HYCC2: variants seen among roughly 807,000 people sequenced by gnomAD.
HYCC2 encodes the protein hyccin PI4KA lipid kinase complex subunit 2.
At chr2:201,023,609 T>C in the HYCC2 span, 2 of 163,552 alleles carry the variant, frequency 1.2e-5, no homozygotes, top group Non-Finnish European at 2.6e-5. Flanking sequence ...AAAAACTATT[T>C]GATTTTTAAT....
the HYCC2 span, among the ~76,000 whole-genome samples, chr2:201,040,485 A>AC: frequency 2.4e-4 from 36 of 149,280 alleles, no homozygotes; most frequent in Non-Finnish European, 4.8e-4. Context: ...GAATCTCATA[A>AC]TTTTTTTTTG....
At chr2:200,988,246 G>A in the HYCC2 span, 4 of 1,591,544 alleles carry the variant, frequency 2.5e-6, no homozygotes, top group South Asian at 2.3e-5. Flanking sequence ...GTGGACTATG[G>A]GGATTTTGTA....
the HYCC2 span, among the ~76,000 whole-genome samples, chr2:201,033,194 TGTGAGA>T: frequency 6.4e-5 from 8 of 125,704 alleles, no homozygotes; most frequent in African/African-American, 9.8e-5. Context: ...TGTGTGTGTG[TGTGAGA>T]GAGAGAGAGA....
chr2:200,993,229 A>T, the HYCC2 span, among the ~76,000 whole-genome samples: 7 of 152,358 alleles, frequency 4.6e-5, no homozygotes, highest in African/African-American at 1.7e-4. Context: ...CACTCATTCT[A>T]GTGGACTGCC....
chr2:201,043,542 T>G, the HYCC2 span, among the ~76,000 whole-genome samples: 1 of 149,194 alleles, frequency 6.7e-6, no homozygotes, highest in East Asian at 2.0e-4. Context: ...AGAGTCTCAC[T>G]CTGTTGCCTA....
chr2:201,035,843 C>G, the HYCC2 span, among the ~76,000 whole-genome samples: 6 of 152,282 alleles, frequency 3.9e-5, no homozygotes, highest in Middle Eastern at 3.4e-3. Context: ...AGCTGCAGGT[C>G]TGTTGGAGTT....
chr2:201,070,214 A>T, the HYCC2 span, among the ~76,000 whole-genome samples: 18 of 152,228 alleles, frequency 1.2e-4, no homozygotes, highest in East Asian at 7.7e-4. Context: ...GAATTATAAA[A>T]TTTTTTTAAA....
the HYCC2 span, among the ~76,000 whole-genome samples, chr2:200,988,049 T>C: frequency 6.6e-6 from 1 of 152,218 alleles, no homozygotes; most frequent in Non-Finnish European, 1.5e-5. Context: ...CATCTTATTT[T>C]GTTTTAATCT....
the HYCC2 span, chr2:201,067,230 T>C: frequency 5.1e-6 from 1 of 195,456 alleles, no homozygotes; most frequent in East Asian, 1.2e-4. Flanking sequence ...TATATATTAG[T>C]ATCTTCTCAC....
chr2:201,039,414 C>T, the HYCC2 span, among the ~76,000 whole-genome samples: 1 of 152,130 alleles, frequency 6.6e-6, no homozygotes, highest in Non-Finnish European at 1.5e-5. Context: ...TATAATTTTA[C>T]TTGGAAAACT....
chr2:201,013,290 C>CA, the HYCC2 span, among the ~76,000 whole-genome samples: 1 of 151,828 alleles, frequency 6.6e-6, no homozygotes. Context: ...GCCAACAAAG[C>CA]AAAACCCAAT....
At chr2:201,057,063 A>G in the HYCC2 span, among the ~76,000 whole-genome samples, 31 of 152,242 alleles carry the variant, frequency 2.0e-4, 3 homozygotes, top group Admixed American at 2.0e-3. Flanking sequence ...CCCTCTCTGC[A>G]GATGATTGCT....
the HYCC2 span, among the ~76,000 whole-genome samples, chr2:201,038,737 C>G: frequency 1.3e-5 from 2 of 151,800 alleles, no homozygotes; most frequent in Admixed American, 6.6e-5. Flanking sequence ...CACACCGGGG[C>G]CTGTTGTGGG....
the HYCC2 span, among the ~76,000 whole-genome samples, chr2:201,048,480 A>ATTTTT: frequency 7.8e-6 from 1 of 127,632 alleles, no homozygotes; most frequent in Non-Finnish European, 1.7e-5. Context: ...ACATGATGAG[A>ATTTTT]TTTTTTTTTT....
the HYCC2 span, chr2:200,993,148 G>T: frequency 6.7e-6 from 4 of 593,076 alleles, no homozygotes; most frequent in Non-Finnish European, 1.2e-5. Flanking sequence ...TCTGGGCCTA[G>T]GCATACAGTT....
At chr2:201,000,524 T>C in the HYCC2 span, among the ~76,000 whole-genome samples, 5 of 152,122 alleles carry the variant, frequency 3.3e-5, no homozygotes, top group African/African-American at 1.2e-4. Flanking sequence ...GAATGCCATA[T>C]CACTCTTTAT....
chr2:201,038,133 C>G, the HYCC2 span, among the ~76,000 whole-genome samples: 1 of 152,162 alleles, frequency 6.6e-6, no homozygotes, highest in Non-Finnish European at 1.5e-5. Flanking sequence ...CCAAAAGACA[C>G]ATGAAAAAAT....
the HYCC2 span, among the ~76,000 whole-genome samples, chr2:201,065,420 T>G: frequency 1.3e-5 from 2 of 152,248 alleles, no homozygotes; most frequent in African/African-American, 4.8e-5. Context: ...GGTTTTTATA[T>G]GAATGTAAGT....
chr2:201,031,128 C>T, the HYCC2 span, among the ~76,000 whole-genome samples: 1 of 152,156 alleles, frequency 6.6e-6, no homozygotes, highest in East Asian at 1.9e-4. Context: ...ACTCTCAAAA[C>T]TATAATCTTT....
Sources: gnomAD v4.1 joint callset for allele counts (sites outside exome capture counted in the v4.1 genomes callset) on GRCh38, gnomAD v4.1.1 for gene constraint, MANE v1.5 for transcripts, NCBI Gene and HGNC (gene_info 2026-07-23, HGNC 2026-07-21) for gene names.